CAMK2B: variants seen among roughly 807,000 people sequenced by gnomAD.
The protein encoded by CAMK2B is calcium/calmodulin-dependent protein kinase type II subunit beta.
In CAMK2B, 27 loss-of-function variants were observed where a neutral mutation model predicts 93.7. The observed-to-expected ratio is 0.29, with a 90% CI of 0.21 to 0.40. The LOEUF (loss-of-function observed/expected upper bound fraction) is 0.40, where lower values mean the gene tolerates loss of function less well. Ranked by LOEUF, CAMK2B falls within the 10% of genes least tolerant of loss-of-function variation. CAMK2B has a pLI of 1.00. For missense variants in CAMK2B, 568 were observed against 895.8 expected, an observed-to-expected ratio of 0.63 and a Z score of 4.67; for synonymous variants, 374 against 358.8, an observed-to-expected ratio of 1.04 and a Z score of -0.48.
At chr7:44,301,184 G>A (rs1789905251) in intron 1 of CAMK2B, among the ~76,000 whole-genome samples, 1 of 152,150 alleles carries the variant, frequency 6.6e-6, no homozygotes, top group African/African-American at 2.4e-5. Context: ...CTGGAGTGCA[G>A]TGACACAATC....
chr7:44,242,138 G>A (rs1584084336), intron 10 of CAMK2B, 80 bp downstream of exon 10: 5 of 1,497,074 alleles, frequency 3.3e-6, no homozygotes, highest in South Asian at 2.5e-5. Context: ...GGACCCTCTT[G>A]GGGTCCTTGC....
At chr7:44,263,943 T>C (rs1034994369) in intron 2 of CAMK2B, 33 of 154,818 alleles carry the variant, frequency 2.1e-4, no homozygotes, top group African/African-American at 6.7e-4. Flanking sequence ...GGACCCACAG[T>C]GTGCTCTTAT....
chr7:44,233,611 C>T (rs1039753441), intron 15 of CAMK2B, among the ~76,000 whole-genome samples: 4 of 152,144 alleles, frequency 2.6e-5, no homozygotes, highest in Admixed American at 2.6e-4. Context: ...TGAGGGGACA[C>T]AGCACAGCGC....
rs747330427 is a variant in CAMK2B, at chr7:44,312,714, G to A, written c.65+12643C>T. On this transcript the variant is annotated intron_variant, in intron 1 of 23. Coordinates refer to ENST00000395749, the MANE Select transcript of CAMK2B (RefSeq NM_001220.5). This position sits in a 1 kb window ranked among gnomAD's most constrained non-coding sequence, Gnocchi z 4.1. ...AGACAGAGAAAGAGTAACACCTCCC[G>A]CAAGACAGGCTGTCCTGGGTTGGAT... Among the ~76,000 whole-genome samples the A allele has an allele frequency of 1.3e-5, 2 of 152,176 alleles. No individual in the cohort carries two copies. The highest frequency in any genetic ancestry group is 2.4e-5 in the African/African-American group (1 of 41,432).
Position 44,248,712 on chromosome 7 carries a change from T to C in CAMK2B, c.342-1520A>G, listed in dbSNP as rs1043420756. The stretch of plus-strand genomic sequence containing the variant: ...CGAGAGGTCAGCCTTCTTCCTCAAA[T>C]AGCTCCCACCCGTCTTGGTCCCATC... On this transcript the variant is annotated intron_variant, in intron 5 of 23. Transcript: ENST00000395749. This position sits in a 1 kb window ranked among gnomAD's most constrained non-coding sequence, Gnocchi z 4.1. Among the ~76,000 whole-genome samples, 15 of 152,318 alleles carry C rather than the reference T, an allele frequency of 9.8e-5. No homozygotes were observed. Among genetic ancestry groups the C allele is most frequent in the African/African-American group, 3.4e-4 (14 of 41,568 alleles).
In CAMK2B at chr7:44,262,815, A is replaced by C. The variant is rs570337590; in HGVS notation, c.220+190T>G. Reference sequence around the variant, plus strand: ...TCTGAGCACCCCCGGGAATCATGTCACATACGACAAAGTCCTCAAGGTCAG... The same window carrying C: ...TCTGAGCACCCCCGGGAATCATGTCCCATACGACAAAGTCCTCAAGGTCAG... On this transcript the variant is annotated intron_variant, in intron 3 of 23. Coordinates refer to ENST00000395749, the MANE Select transcript of CAMK2B (RefSeq NM_001220.5). Among the ~76,000 whole-genome samples the C allele has an allele frequency of 2.3e-4, 35 of 152,304 alleles. 2 individuals are homozygous for C. The South Asian group carries it at 7.3e-3, about 32-fold the overall frequency.
intron 19 of CAMK2B, 124 bp from the exon 20 acceptor site, chr7:44,226,768 C>T: frequency 5.6e-6 from 1 of 178,736 alleles, no homozygotes; most frequent in Non-Finnish European, 9.0e-6. Flanking sequence ...GGATGGGGCA[C>T]AAGGGGACAG....
intron 1 of CAMK2B, among the ~76,000 whole-genome samples, chr7:44,288,880 C>A (rs900935307): frequency 1.1e-4 from 17 of 152,066 alleles, no homozygotes; most frequent in Admixed American, 1.0e-3. Flanking sequence ...AGGCCACCTG[C>A]GAGGAGAGGT....
rs1356822417 is a variant in CAMK2B at position 44,311,233 on chromosome 7, G to A, written c.65+14124C>T. Among the ~76,000 whole-genome samples the A allele has an allele frequency of 1.3e-5, 2 of 151,976 alleles. No homozygotes were observed. Among genetic ancestry groups the A allele is most frequent in the African/African-American group, 4.8e-5 (2 of 41,342 alleles). The stretch of plus-strand genomic sequence containing the variant: ...TGGGATTACAGGCACATGCCACCAC[G>A]CCTGGCACATTTTTGTATTTTTAGT... On this transcript the variant is annotated intron_variant, in intron 1 of 23. Coordinates refer to ENST00000395749, the MANE Select transcript of CAMK2B (RefSeq NM_001220.5). The surrounding 1 kb of genome is among the most constrained non-coding windows in gnomAD (Gnocchi z 4.2).
chr7:44,226,691 C>A, intron 19 of CAMK2B, 47 bp from the exon 20 acceptor site: 1 of 1,481,588 alleles, frequency 6.7e-7, no homozygotes, highest in Non-Finnish European at 8.9e-7. Context: ...GCACGGGGGG[C>A]ACGCAGGAGA....
At chr7:44,287,650 C>T (rs1455430263) in intron 1 of CAMK2B, among the ~76,000 whole-genome samples, 2 of 152,224 alleles carry the variant, frequency 1.3e-5, no homozygotes. Flanking sequence ...TACTCCCTTG[C>T]GACTCAGTGC....
intron 1 of CAMK2B, among the ~76,000 whole-genome samples, chr7:44,287,859 G>C (rs563539854): frequency 6.6e-6 from 1 of 152,316 alleles, no homozygotes; most frequent in East Asian, 1.9e-4. Context: ...CCTTAGGTTA[G>C]TTTACTTAAT....
chr7:44,293,559 A>T (rs1787440502), intron 1 of CAMK2B, among the ~76,000 whole-genome samples: 1 of 152,176 alleles, frequency 6.6e-6, no homozygotes, highest in Admixed American at 6.5e-5. Flanking sequence ...CAATTTTTCC[A>T]CAGACTGGGG....
At position 44,291,185 on chromosome 7, in the gene CAMK2B, C is replaced by T. The variant is rs141767316; in HGVS notation, c.66-6960G>A. The stretch of plus-strand genomic sequence containing the variant: ...GATGCCTGCTTGGTATTTACTCCTC[C>T]CCAGCCTCTCTGGCCCTGGGGTTCC... On this transcript the variant is annotated intron_variant, in intron 1 of 23. Transcript: ENST00000395749. Among the ~76,000 whole-genome samples, 560 of 152,274 alleles carry T rather than the reference C, an allele frequency of 3.7e-3. 2 individuals are homozygous for T. Among genetic ancestry groups the T allele is most frequent in the Non-Finnish European group, 6.7e-3 (454 of 68,000 alleles).
chr7:44,313,326 G>A (rs1021062004), intron 1 of CAMK2B, among the ~76,000 whole-genome samples: 4 of 152,110 alleles, frequency 2.6e-5, no homozygotes, highest in African/African-American at 9.7e-5. Flanking sequence ...GGACTTTAGG[G>A]GCCCAGGCTT....
intron 5 of CAMK2B, among the ~76,000 whole-genome samples, chr7:44,253,700 C>T (rs2129009377): frequency 6.6e-6 from 1 of 152,290 alleles, no homozygotes; most frequent in East Asian, 1.9e-4. Flanking sequence ...TGGGCTCAAA[C>T]CATCCTCCCA....
chr7:44,220,770 C>A lies in CAMK2B; in HGVS notation c.1673+56G>T, dbSNP rs1222592923. On this transcript the variant is annotated intron_variant, in intron 21 of 23. Coordinates refer to ENST00000395749, the MANE Select transcript of CAMK2B (RefSeq NM_001220.5). ...GGACCCCTGACTCTGAGCAGGCCCC[C>A]CCAAGGGTCCCACATCCTTGTCCTG... is the stretch of plus-strand genomic sequence containing the variant. The A allele has an allele frequency of 1.2e-5, 18 of 1,563,162 alleles. No individual in the cohort carries two copies. The Admixed American group carries it at 3.2e-4, about 28-fold the overall frequency.
chr7:44,289,015 C>T (rs936018578), intron 1 of CAMK2B, among the ~76,000 whole-genome samples: 43 of 152,290 alleles, frequency 2.8e-4, no homozygotes, highest in African/African-American at 1.0e-3. Flanking sequence ...GATGCCCCAT[C>T]CGCCTCTGTC....
At chr7:44,297,954 T>C (rs1332705509) in intron 1 of CAMK2B, among the ~76,000 whole-genome samples, 1 of 152,154 alleles carries the variant, frequency 6.6e-6, no homozygotes, top group African/African-American at 2.4e-5. Context: ...CCAAACCCTG[T>C]CTCTATTAAA....
Sources: allele counts gnomAD v4.1 joint callset (sites outside exome capture counted in the v4.1 genomes callset), GRCh38; gene constraint gnomAD v4.1.1; non-coding constraint Gnocchi (gnomAD v3.1); transcripts MANE v1.5; gene names NCBI Gene and HGNC (gene_info 2026-07-23, HGNC 2026-07-21).